LIMA1: variants seen among roughly 807,000 people sequenced by gnomAD.
LIMA1 encodes LIM domain and actin binding 1, also known as LIM domain and actin-binding protein 1.
LIMA1 carries 52 observed loss-of-function variants against 62.6 expected under a neutral mutation model. The ratio of observed to expected loss-of-function variants is 0.83; its 90% CI spans 0.67 to 1.05. The LOEUF (loss-of-function observed/expected upper bound fraction) is 1.05. LIMA1 is among the 50% of genes least tolerant of loss of function. The pLI is 0.00. For missense variants in LIMA1, 780 were observed against 902.2 expected (o/e 0.86, Z 1.74); for synonymous variants, 302 against 317.8 (o/e 0.95, Z 0.53).
At chr12:50,281,921 G>C (rs1337552697) in intron 1 of LIMA1, among the ~76,000 whole-genome samples, 1 of 152,166 alleles carries the variant, frequency 6.6e-6, no homozygotes, top group Admixed American at 6.5e-5. Flanking sequence ...ATGTGGATCT[G>C]TCTAACCCAT....
intron 1 of LIMA1, among the ~76,000 whole-genome samples, chr12:50,250,879 T>C (rs952591534): frequency 5.3e-5 from 8 of 152,208 alleles, no homozygotes; most frequent in African/African-American, 1.9e-4. Context: ...AGTATTCTTA[T>C]GAGAAATAAA....
chr12:50,210,457 A>G (rs1385473641), intron 4 of LIMA1, among the ~76,000 whole-genome samples: 1 of 151,356 alleles, frequency 6.6e-6, no homozygotes, highest in Non-Finnish European at 1.5e-5. Flanking sequence ...AAGAACAACC[A>G]AAAGGAAACG....
intron 1 of LIMA1, among the ~76,000 whole-genome samples, chr12:50,267,273 G>A (rs538638030): frequency 2.0e-5 from 3 of 152,114 alleles, no homozygotes; most frequent in African/African-American, 4.8e-5. Flanking sequence ...GGGTTTCACC[G>A]TGTTAGCCAG....
chr12:50,261,040 A>ATT (rs1394809506), intron 1 of LIMA1, among the ~76,000 whole-genome samples: 1 of 48,910 alleles, frequency 2.0e-5, no homozygotes, highest in African/African-American at 1.0e-4. Context: ...GCCATCTAGT[A>ATT]TATTTTTTTT....
At chr12:50,256,857 G>A (rs1290429978) in intron 1 of LIMA1, among the ~76,000 whole-genome samples, 1 of 152,160 alleles carries the variant, frequency 6.6e-6, no homozygotes, top group Non-Finnish European at 1.5e-5. Context: ...AGATTAGATT[G>A]AGATTATAAA....
chr12:50,189,404 T>G (rs1251562231), intron 9 of LIMA1: 1 of 152,150 alleles, frequency 6.6e-6, no homozygotes, highest in Non-Finnish European at 1.5e-5. Flanking sequence ...ACGGCAGATA[T>G]GAGCATGAGT....
At chr12:50,180,418 T>G (rs1191183963) in intron 10 of LIMA1, among the ~76,000 whole-genome samples, 4 of 152,026 alleles carry the variant, frequency 2.6e-5, no homozygotes, top group Non-Finnish European at 5.9e-5. Flanking sequence ...AAGGTTGCAG[T>G]GAGCCAGGAT....
intron 8 of LIMA1, among the ~76,000 whole-genome samples, chr12:50,193,153 T>C (rs1030735654): frequency 1.7e-4 from 26 of 152,188 alleles, no homozygotes; most frequent in African/African-American, 5.8e-4. Flanking sequence ...GTTACTTTCC[T>C]GCCAAAATGA....
chr12:50,272,843 C>G (rs529990448), intron 1 of LIMA1, among the ~76,000 whole-genome samples: 24 of 151,532 alleles, frequency 1.6e-4, no homozygotes, highest in Admixed American at 5.3e-4. Flanking sequence ...GTCAGGAGAT[C>G]GAGACCATCC....
intron 1 of LIMA1, among the ~76,000 whole-genome samples, chr12:50,263,125 T>C (rs1942091727): frequency 6.6e-6 from 1 of 152,200 alleles, no homozygotes; most frequent in South Asian, 2.1e-4. Context: ...TAAAATTGAG[T>C]TATTCTCATT....
chr12:50,264,724 C>T (rs529702621), intron 1 of LIMA1, among the ~76,000 whole-genome samples: 13 of 152,316 alleles, frequency 8.5e-5, no homozygotes, highest in Middle Eastern at 3.4e-3. Context: ...TGTCAGTCTT[C>T]GCATGCTTCA....
At chr12:50,185,111 T>C (rs2138397362) in intron 9 of LIMA1, among the ~76,000 whole-genome samples, 1 of 152,358 alleles carries the variant, frequency 6.6e-6, no homozygotes, top group South Asian at 2.1e-4. Flanking sequence ...ATTACAGGTG[T>C]GAGCCACTGC....
intron 4 of LIMA1, 28 bp downstream of exon 4, chr12:50,221,993 T>C: frequency 1.3e-6 from 2 of 1,571,020 alleles, no homozygotes. Context: ...ATTGGCTTTC[T>C]CAAGTTTCAA....
intron 9 of LIMA1, 123 bp downstream of exon 9, chr12:50,192,329 T>C (rs941925896): frequency 1.5e-5 from 11 of 745,294 alleles, no homozygotes; most frequent in African/African-American, 5.1e-5. Flanking sequence ...TGTGCTCTTC[T>C]GTGGCATTAT....
At chr12:50,252,812 C>CAG (rs1941947738) in intron 1 of LIMA1, among the ~76,000 whole-genome samples, 2 of 152,140 alleles carry the variant, frequency 1.3e-5, no homozygotes, top group Admixed American at 1.3e-4. Flanking sequence ...GGATTAACCA[C>CAG]AGTCTCTCTG....
At chr12:50,180,172 C>T (rs912591004) in intron 10 of LIMA1, among the ~76,000 whole-genome samples, 4 of 151,952 alleles carry the variant, frequency 2.6e-5, no homozygotes, top group Admixed American at 1.3e-4. Context: ...ATGTTGCACA[C>T]GCCTGTAGTC....
chr12:50,269,579 T>A (rs1325014865), intron 1 of LIMA1, among the ~76,000 whole-genome samples: 1 of 152,136 alleles, frequency 6.6e-6, no homozygotes, highest in African/African-American at 2.4e-5. Context: ...TGACACCATT[T>A]CTCTGCACCA....
intron 1 of LIMA1, among the ~76,000 whole-genome samples, chr12:50,261,807 C>T (rs969020891): frequency 1.3e-5 from 2 of 152,152 alleles, no homozygotes; most frequent in African/African-American, 4.8e-5. Flanking sequence ...GCTGGGATTA[C>T]AGGTGTGAGT....
intron 10 of LIMA1, among the ~76,000 whole-genome samples, chr12:50,180,173 G>T (rs944006800): frequency 6.6e-6 from 1 of 151,926 alleles, no homozygotes; most frequent in East Asian, 1.9e-4. Flanking sequence ...TGTTGCACAC[G>T]CCTGTAGTCC....
Sources: gnomAD v4.1 joint callset for allele counts (sites outside exome capture counted in the v4.1 genomes callset) on GRCh38, gnomAD v4.1.1 for gene constraint, MANE v1.5 for transcripts, NCBI Gene and HGNC (gene_info 2026-07-23, HGNC 2026-07-21) for gene names.